The following ETV5 variants were observed in gnomAD, a reference collection of about 807,000 sequenced individuals.
ETV5 encodes the protein ETS translocation variant 5.
Under a neutral mutation model 70.0 loss-of-function variants are expected in ETV5, and 10 were observed. The ratio of observed to expected loss-of-function variants is 0.14; its 90% confidence interval spans 0.09 to 0.24. ETV5 has a LOEUF of 0.24. Ranked by LOEUF, ETV5 falls within the 10% of genes least tolerant of loss-of-function variation. ETV5 has a pLI of 1.00. For missense variants in ETV5, 453 were observed against 651.2 expected, an observed-to-expected ratio of 0.70 and a Z score of 3.31; for synonymous variants, 216 against 242.2, an observed-to-expected ratio of 0.89 and a Z score of 1.01.
At chr3:186,087,121 T>C (rs1187149780) in intron 5 of ETV5, among the ~76,000 whole-genome samples, 4 of 152,328 alleles carry the variant, frequency 2.6e-5, no homozygotes, top group Middle Eastern at 3.4e-3. Flanking sequence ...AATTTATCTA[T>C]AGGTTCAGTG....
chr3:186,099,524 T>C (rs1046181528), intron 5 of ETV5, among the ~76,000 whole-genome samples: 3 of 152,212 alleles, frequency 2.0e-5, no homozygotes, highest in African/African-American at 7.2e-5. Context: ...GAGAGGGGGC[T>C]GTCAGCCTCT....
chr3:186,058,705 AG>A (rs1313423915), intron 9 of ETV5, among the ~76,000 whole-genome samples: 1 of 152,188 alleles, frequency 6.6e-6, no homozygotes, highest in African/African-American at 2.4e-5. Context: ...TGGCTTATGG[AG>A]GAGTAGGAAA....
chr3:186,051,964 C>A (rs772578845), intron 12 of ETV5, 66 bp downstream of exon 12: 2 of 1,512,344 alleles, frequency 1.3e-6, no homozygotes, highest in African/African-American at 2.7e-5. Flanking sequence ...AGTCTCACTA[C>A]AGAAGCCCTG....
Position 186,052,219 on chromosome 3 carries a change from C to A in ETV5, c.1210-88G>T. On this transcript the variant is annotated intron_variant, in intron 11 of 12. Coordinates refer to ENST00000306376, the MANE Select transcript of ETV5 (RefSeq NM_004454.3). This position sits in a 1 kb window ranked among gnomAD's most constrained non-coding sequence, Gnocchi z 4.5. Reference sequence around the variant, plus strand: ...AATCCCAGCAGAGCCAGTTCTGTAACCTGACTGCTTTGGTCAATGATCTGC... The same window carrying A: ...AATCCCAGCAGAGCCAGTTCTGTAAACTGACTGCTTTGGTCAATGATCTGC... 7.9e-7 allele frequency: 1 copy of A among 1,265,650 alleles called. No individual in the cohort carries two copies. The highest frequency in any genetic ancestry group is 1.5e-5 in the African/African-American group (1 of 68,162). The allele number at this position is 1,265,650 out of a possible 1,614,324, so 78.4% of individuals were successfully genotyped here.
rs1712907345 is a variant in ETV5 at position 186,047,489 on chromosome 3, G to A, written c.*1150C>T. On this transcript the variant is annotated 3_prime_UTR_variant, in exon 13 of 13. Coordinates refer to ENST00000306376, the MANE Select transcript of ETV5 (RefSeq NM_004454.3). ...TCACCAGGTGACCAGGTTTCCAAAGGACATGACACATGTTATATACATATG... is the reference window on the plus strand; with the variant it reads ...TCACCAGGTGACCAGGTTTCCAAAGAACATGACACATGTTATATACATATG... 1 of 232,144 alleles carries A rather than the reference G, an allele frequency of 4.3e-6. No homozygotes were observed. Among genetic ancestry groups the A allele is most frequent in the Admixed American group, 5.6e-5 (1 of 17,734 alleles). The allele number at this position is 232,144 out of a possible 1,614,324, so 14.4% of individuals were successfully genotyped here.
intron 6 of ETV5, 104 bp from the exon 7 acceptor site, chr3:186,080,208 A>G (rs1713899273): frequency 3.2e-6 from 3 of 929,752 alleles, no homozygotes; most frequent in African/African-American, 3.5e-5. Context: ...TTGCCAGGAA[A>G]TAACAGCATT....
At chr3:186,108,576 G>A (rs2108447962) in intron 1 of ETV5, 2 of 1,258,428 alleles carry the variant, frequency 1.6e-6, no homozygotes, top group East Asian at 1.2e-4. Context: ...CTTCTCGCGA[G>A]CCTCCAAGTC....
At chr3:186,092,133 C>T (rs1449217901) in intron 5 of ETV5, among the ~76,000 whole-genome samples, 1 of 152,178 alleles carries the variant, frequency 6.6e-6, no homozygotes, top group Non-Finnish European at 1.5e-5. Flanking sequence ...CTCCAGAAAG[C>T]CCACTCTCAG....
intron 7 of ETV5, among the ~76,000 whole-genome samples, chr3:186,073,709 T>C (rs1303886176): frequency 2.0e-5 from 3 of 152,168 alleles, no homozygotes; most frequent in Non-Finnish European, 4.4e-5. Context: ...GTACTGCAAA[T>C]CAGAACCTGT....
intron 7 of ETV5, among the ~76,000 whole-genome samples, chr3:186,067,530 T>C (rs1713479475): frequency 1.3e-5 from 2 of 152,058 alleles, no homozygotes; most frequent in Admixed American, 1.3e-4. Flanking sequence ...CAGAATCACT[T>C]GAACCCAGGA....
chr3:186,064,513 T>A (rs1222602216), intron 8 of ETV5, 37 bp from the exon 9 acceptor site: 1 of 1,606,000 alleles, frequency 6.2e-7, no homozygotes, highest in African/African-American at 1.3e-5. Context: ...ATCCTGTCAA[T>A]AGTTTCTGCA....
intron 5 of ETV5, among the ~76,000 whole-genome samples, chr3:186,095,796 G>A (rs1445663088): frequency 6.6e-6 from 1 of 152,204 alleles, no homozygotes; most frequent in Non-Finnish European, 1.5e-5. Context: ...TCATCCCAAG[G>A]ACTCAGAACT....
At chr3:186,064,207 T>A (rs1169260554) in intron 9 of ETV5, 1 of 590,838 alleles carries the variant, frequency 1.7e-6, no homozygotes, top group Non-Finnish European at 3.0e-6. Context: ...AATTGAAGAT[T>A]ACAATCAATC....
At chr3:186,088,744 T>C (rs928296093) in intron 5 of ETV5, among the ~76,000 whole-genome samples, 5 of 152,192 alleles carry the variant, frequency 3.3e-5, no homozygotes, top group Admixed American at 2.0e-4. Flanking sequence ...TCTTTTTCCC[T>C]GATTTGCCCT....
chr3:186,064,702 A>G, intron 8 of ETV5: 3 of 524,954 alleles, frequency 5.7e-6, no homozygotes, highest in Non-Finnish European at 1.0e-5. Context: ...TCACGGGAGG[A>G]AAAAAAAGAT....
chr3:186,105,769 G>T lies in ETV5; in HGVS notation c.45+55C>A. On this transcript the variant is annotated intron_variant, in intron 2 of 12. Transcript: ENST00000306376. The surrounding 1 kb of genome is among the most constrained non-coding windows in gnomAD (Gnocchi z 4.5). ...AGTGTAGTAAAGAGGTCCACAGGGG[G>T]AAGACTCATATTGGAGAGGGAGGAC... 6.2e-7 allele frequency: 1 copy of T among 1,610,764 alleles called. No homozygotes were observed. The highest frequency in any genetic ancestry group is 2.2e-5 in the East Asian group (1 of 44,866).
In ETV5 at chr3:186,105,305, G is replaced by A. The variant is rs372433151; in HGVS notation, c.232C>T (p.Leu78=). Residue 78 remains leucine, a splice_region_variant and synonymous_variant, in exon 5 of 13, where the codon CTG becomes TTG. Transcript: ENST00000306376. The surrounding 1 kb of genome is among the most constrained non-coding windows in gnomAD (Gnocchi z 4.5). ...GTGCCATCACCAGAAAGGTACTTAC[G>A]GTTATCAGACTGAAAATCTGGGACA... ...QFVPDFQSDN[L]VLHAPPPTKI... is the part of the protein sequence containing the mutation. 1.5e-5 allele frequency: 24 copies of A among 1,611,332 alleles called. No individual in the cohort carries two copies. The highest frequency in any genetic ancestry group is 4.0e-5 in the African/African-American group (3 of 74,810).
At chr3:186,097,921 C>G (rs1380773583) in intron 5 of ETV5, among the ~76,000 whole-genome samples, 1 of 152,190 alleles carries the variant, frequency 6.6e-6, no homozygotes. Flanking sequence ...GTGAGCCCCG[C>G]CCTCCATTCA....
At chr3:186,107,361 G>C (rs978012393) in intron 1 of ETV5, among the ~76,000 whole-genome samples, 1 of 152,168 alleles carries the variant, frequency 6.6e-6, no homozygotes, top group East Asian at 1.9e-4. Flanking sequence ...GAAAGAGAGA[G>C]TGCTCTGTCG....
Sources: allele counts gnomAD v4.1 joint callset (sites outside exome capture counted in the v4.1 genomes callset), GRCh38; gene constraint gnomAD v4.1.1; non-coding constraint Gnocchi (gnomAD v3.1); transcripts MANE v1.5; gene names NCBI Gene and HGNC (gene_info 2026-07-23, HGNC 2026-07-21).